Variants in ALOXE3 observed in about 807,000 individuals in gnomAD.
ALOXE3 encodes the protein arachidonate epidermal lipoxygenase 3, also known as hydroperoxide isomerase ALOXE3.
A neutral mutation model predicts 87.5 loss-of-function variants in ALOXE3; 78 were observed. That is an observed-to-expected ratio of 0.89 (90% CI 0.74 to 1.08). ALOXE3 has a LOEUF of 1.08. Among genes scored for constraint, ALOXE3 ranks in the 50% least tolerant of loss-of-function variants. ALOXE3 has a pLI of 0.00. For synonymous variants in ALOXE3, 363 were observed against 370.8 expected, an observed-to-expected ratio of 0.98 and a Z score of 0.24; for missense variants, 946 against 912.4, an observed-to-expected ratio of 1.04 and a Z score of -0.47.
chr17:8,106,887 AAAGT>A (rs143503666), intron 13 of ALOXE3, among the ~76,000 whole-genome samples: 2,104 of 152,316 alleles, frequency 0.014, 56 homozygotes, highest in African/African-American at 0.048. Flanking sequence ...AAAATGTAAT[AAAGT>A]AAGATAGGAG....
At position 8,109,262 on chromosome 17, in the gene ALOXE3, G is replaced by A. The variant is rs1979795116; in HGVS notation, c.1474C>T (p.Pro492Ser). 6.2e-7 allele frequency: 1 copy of A among 1,614,034 alleles called. No individual in the cohort carries two copies. The highest frequency in any genetic ancestry group is 1.3e-5 in the African/African-American group (1 of 74,956). Reference protein sequence around the residue: ...AHFTYTNFCLPDSLRARGVLA... With the variant: ...AHFTYTNFCLSDSLRARGVLA... ...ACGCCGCGGGCCCGCAGGCTGTCCG[G>A]AAGGCAGAAATTGGTGTAGGTGAAG... The change falls in exon 12 of 16, where the codon CCG becomes TCG. Residue 492 changes from proline (P) to serine (S), a missense_variant. By Grantham distance (74) the Pro-to-Ser change is moderately conservative. Transcript: ENST00000448843.
intron 14 of ALOXE3, among the ~76,000 whole-genome samples, chr17:8,103,762 T>A (rs1979081071): frequency 6.6e-6 from 1 of 151,300 alleles, no homozygotes; most frequent in African/African-American, 2.4e-5. Context: ...GTGGGGTGAG[T>A]CACTAGGGAA....
At chr17:8,114,676 C>T in intron 5 of ALOXE3, 67 bp from the exon 6 acceptor site, 1 of 1,605,194 alleles carries the variant, frequency 6.2e-7, no homozygotes, top group Non-Finnish European at 8.5e-7. Context: ...TGCTCAACTC[C>T]TTCCCTCTTT....
chr17:8,107,846 A>G (rs1303035786), intron 13 of ALOXE3, among the ~76,000 whole-genome samples: 89 of 2,840 alleles, frequency 0.031, 2 homozygotes, highest in South Asian at 0.048. Flanking sequence ...AGAAAGAAAG[A>G]AAGAAAGAAA....
chr17:8,099,501 A>G (rs1263223139), intron 15 of ALOXE3, among the ~76,000 whole-genome samples: 1 of 151,990 alleles, frequency 6.6e-6, no homozygotes, highest in Middle Eastern at 3.2e-3. Flanking sequence ...ATCTCTACTA[A>G]AAGTACAAAA....
rs757641376 is a variant in ALOXE3, at chr17:8,115,589, A to C, written c.434+18T>G. On this transcript the variant is annotated intron_variant, in intron 4 of 15. Coordinates refer to ENST00000448843, the MANE Select transcript of ALOXE3 (RefSeq NM_021628.3). ...CAGGATAAAGATGGGGAAAGAAGTC[A>C]AATTAGGCCACCCTCACCGGTAGCA... is the stretch of plus-strand genomic sequence containing the variant. The C allele has an allele frequency of 6.2e-7, 1 of 1,605,156 alleles. No individual in the cohort carries two copies. Among genetic ancestry groups the C allele is most frequent in the South Asian group, 1.1e-5 (1 of 90,888 alleles).
Position 8,115,011 on chromosome 17 carries a change from T to C in ALOXE3, c.481A>G (p.Ser161Gly), listed in dbSNP as rs1980460430. ...TTGTCTGACTCCATCTCCTGAAAGC[T>C]GTTGACGTCTACCATGCAGGGGAAG... ...PGFPCMVDVN[S>G]FQEMESDKKF... Residue 161 changes from serine to glycine, a missense_variant, in exon 5 of 16, where the codon AGC becomes GGC. Ser to Gly is a moderately conservative substitution (Grantham distance 56). Coordinates refer to ENST00000448843, the MANE Select transcript of ALOXE3 (RefSeq NM_021628.3). 3 of 1,614,038 alleles carry C rather than the reference T, an allele frequency of 1.9e-6. 1 individual carries two copies.
rs1471223752 is a variant in ALOXE3 at position 8,110,007 on chromosome 17, G to T, written c.1306-5C>A. 1.9e-6 allele frequency: 3 copies of T among 1,557,680 alleles called. No individual in the cohort carries two copies. The highest frequency in any genetic ancestry group is 1.9e-5 in the Admixed American group (1 of 51,404). On this transcript the variant is annotated splice_polypyrimidine_tract_variant and splice_region_variant and intron_variant, in intron 10 of 15. Transcript: ENST00000448843. ...TCGAGTGTGGGGGAGTAGGAGCTGC[G>T]AGCGGAGCGGATCACGTGAGCTGAA...
At chr17:8,097,488 ACAAT>A (rs752835778) in intron 15 of ALOXE3, among the ~76,000 whole-genome samples, 77 of 152,318 alleles carry the variant, frequency 5.1e-4, no homozygotes, top group Non-Finnish European at 6.5e-4. Flanking sequence ...AGGTACCTTC[ACAAT>A]CAACCATCGT....
upstream of ALOXE3, chr17:8,118,758 T>A: frequency 5.9e-6 from 9 of 1,537,268 alleles, no homozygotes; most frequent in Non-Finnish European, 7.0e-6. Flanking sequence ...GCAAACAGGG[T>A]CTGAATGCCC....
chr17:8,100,973 G>A (rs891794061), intron 15 of ALOXE3, among the ~76,000 whole-genome samples: 2 of 151,976 alleles, frequency 1.3e-5, no homozygotes, highest in Non-Finnish European at 2.9e-5. Context: ...CCTGTGAAGT[G>A]GAACTACCAT....
chr17:8,118,094 G>C lies in ALOXE3; in HGVS notation c.-104C>G. 2.6e-6 allele frequency: 4 copies of C among 1,557,346 alleles called. No individual in the cohort carries two copies. Among genetic ancestry groups the C allele is most frequent in the Non-Finnish European group, 3.5e-6 (4 of 1,151,276 alleles). ...ACAGGGCTGGGTTTCTGGGCGGAGG[G>C]CTAGGGGCTGCGGGGCTGGGTAGGG... On this transcript the variant is annotated 5_prime_UTR_variant, in exon 2 of 16. Transcript: ENST00000448843.
chr17:8,112,002 C>G, intron 7 of ALOXE3, 91 bp downstream of exon 7: 1 of 1,197,904 alleles, frequency 8.3e-7, no homozygotes, highest in South Asian at 1.2e-5. Context: ...CCTGGGAGGG[C>G]TGGGAGAGGG....
chr17:8,108,937 T>C (rs1230814191), intron 12 of ALOXE3, among the ~76,000 whole-genome samples: 1 of 151,912 alleles, frequency 6.6e-6, no homozygotes, highest in Non-Finnish European at 1.5e-5. Flanking sequence ...GCCCTGATAC[T>C]CTGACTCCAC....
At chr17:8,103,656 G>T in intron 14 of ALOXE3, 163 bp from the exon 15 acceptor site, 1 of 839,380 alleles carries the variant, frequency 1.2e-6, no homozygotes, top group Non-Finnish European at 1.9e-6. Flanking sequence ...ATCATGGAAA[G>T]GCAAGAGAGG....
rs1454349903 is a variant in ALOXE3 at position 8,114,558 on chromosome 17, G to A, written c.606C>T (p.Ser202=). The A allele has an allele frequency of 1.2e-6, 2 of 1,614,066 alleles. No individual in the cohort carries two copies. The highest frequency in any genetic ancestry group is 2.2e-5 in the South Asian group (2 of 91,080). ...PGFPMKIDIP[S]LMYMEPNVRY... is the part of the protein sequence containing the mutation. ...GAACATTGGGCTCCATGTACATCAG[G>A]GATGGGATGTCAATTTTCATGGGGA... Residue 202 remains serine, a synonymous_variant, in exon 6 of 16, where the codon TCC becomes TCT. Transcript: ENST00000448843.
chr17:8,099,534 G>A (rs1978789749), intron 15 of ALOXE3, among the ~76,000 whole-genome samples: 1 of 152,002 alleles, frequency 6.6e-6, no homozygotes, highest in Non-Finnish European at 1.5e-5. Context: ...GATGGTGCAT[G>A]CCTGTAATCC....
rs1289470540 is a variant in ALOXE3 at position 8,109,186 on chromosome 17, G to A, written c.1550C>T (p.Ala517Val). Reference sequence around the variant, plus strand: ...CCGCACCTCGCACCTCTCAATGGCCGCCCAGATCTTCAGGCCGTCGTCTCG... The same window carrying A: ...CCGCACCTCGCACCTCTCAATGGCCACCCAGATCTTCAGGCCGTCGTCTCG... ...HYRDDGLKIW[A>V]AIESFVSEIV... Residue 517 changes from alanine (A) to valine (V), a missense_variant, in exon 12 of 16, where the codon GCG (alanine) becomes GTG (valine). Coordinates refer to ENST00000448843, the MANE Select transcript of ALOXE3 (RefSeq NM_021628.3). The A allele has an allele frequency of 2.5e-6, 4 of 1,613,400 alleles. No homozygotes were observed. Among genetic ancestry groups the A allele is most frequent in the East Asian group, 2.2e-5 (1 of 44,884 alleles).
rs1023139963 is a variant in ALOXE3, at chr17:8,118,489, C to A, written c.-317G>T. ...GGCAGAGATGAGCACAGGGCACCTG[C>A]ATTCCTACGTGTGAATCATCCGTGT... is the stretch of plus-strand genomic sequence containing the variant. On this transcript the variant is annotated 5_prime_UTR_variant, in exon 1 of 16. It removes an upstream start codon present in the reference 5' UTR. Coordinates refer to ENST00000448843, the MANE Select transcript of ALOXE3 (RefSeq NM_021628.3). The A allele has an allele frequency of 1.6e-5, 24 of 1,544,518 alleles. 1 individual carries two copies. Among genetic ancestry groups the A allele is most frequent in the Admixed American group, 9.8e-5 (5 of 50,948 alleles).
Sources: allele counts gnomAD v4.1 joint callset (sites outside exome capture counted in the v4.1 genomes callset), GRCh38; gene constraint gnomAD v4.1.1; transcripts MANE v1.5; gene names NCBI Gene and HGNC (gene_info 2026-07-23, HGNC 2026-07-21).